Variants in ZFHX2 observed in about 807,000 individuals in gnomAD.
ZFHX2 encodes the protein zinc finger homeobox protein 2.
A neutral mutation model predicts 164.8 loss-of-function variants in ZFHX2; 75 were observed. The observed-to-expected ratio is 0.46, with a 90% CI of 0.38 to 0.55. The LOEUF (loss-of-function observed/expected upper bound fraction) is 0.55. Among genes scored for constraint, ZFHX2 ranks in the 20% least tolerant of loss-of-function variants. ZFHX2 has a pLI of 0.00. For synonymous variants in ZFHX2, 1,217 were observed against 1,351.4 expected (o/e 0.90, Z 2.18); for missense variants, 2,933 against 3,308.0 (o/e 0.89, Z 2.78).
chr14:23,527,481 C>A lies in ZFHX2; in HGVS notation c.3135+123G>T, dbSNP rs1257522801. On this transcript the variant is annotated intron_variant, in intron 7 of 9. Coordinates refer to ENST00000419474, the MANE Select transcript of ZFHX2 (RefSeq NM_033400.3). ...ACCGTCCTCACCCAGCCAACACACG[C>A]ACTTGCCTGAATGCCCCCTGCCCCC... is the stretch of plus-strand genomic sequence containing the variant. The A allele has an allele frequency of 1.6e-5, 20 of 1,274,708 alleles. No individual in the cohort carries two copies. In the Middle Eastern group the frequency reaches 1.3e-3, roughly 82 times the overall value. 79.0% of individuals were successfully genotyped at this position (1,274,708 alleles called of 1,614,324 possible). A position where few individuals can be genotyped will look rare whatever the true frequency, so the allele number is the denominator to read the frequency against.
intron 1 of ZFHX2, among the ~76,000 whole-genome samples, chr14:23,550,567 A>G (rs1209370373): frequency 3.3e-5 from 5 of 152,186 alleles, no homozygotes; most frequent in African/African-American, 1.2e-4. Flanking sequence ...AGCAAAACCA[A>G]AAGTCAGGGA....
At position 23,523,973 on chromosome 14, in the gene ZFHX2, G is replaced by A; in HGVS notation, c.5969C>T (p.Pro1990Leu). The A allele has an allele frequency of 6.5e-7, 1 of 1,531,412 alleles. No homozygotes were observed. Among genetic ancestry groups the A allele is most frequent in the East Asian group, 2.4e-5 (1 of 40,830 alleles). The allele number at this position is 1,531,412 out of a possible 1,614,324, so 94.9% of individuals were successfully genotyped here. A position where few individuals can be genotyped will look rare whatever the true frequency, so the allele number is the denominator to read the frequency against. Reference protein sequence around the residue: ...FLPPGKEATTPTPEPPLPLLP... With the variant: ...FLPPGKEATTLTPEPPLPLLP... ...GAGAGGTAGAGGTGGCTCTGGTGTT[G>A]GGGTGGTGGCCTCTTTCCCAGGTGG... The change falls in exon 9 of 10, where the codon CCA (proline) becomes CTA (leucine). Residue 1990 changes from proline to leucine, a missense_variant. By Grantham distance (98) the Pro-to-Leu change is moderately conservative. Transcript: ENST00000419474. This position sits in a 1 kb window ranked among gnomAD's most constrained non-coding sequence, Gnocchi z 4.1.
rs758377321 is a variant in ZFHX2, at chr14:23,532,850, C to T, written c.2276G>A (p.Arg759His). ...EWKEVAGDTH[R>H]CKLCCYGTQL... is the part of the protein sequence containing the mutation. ...GGTGCCATAGCAGCAAAGCTTGCAG[C>T]GGTGGGTGTCACCAGCCACCTCCTT... The change falls in exon 3 of 10, where the codon CGC becomes CAC. Residue 759 changes from arginine to histidine, a missense_variant. By Grantham distance (29) the Arg-to-His change is conservative. Coordinates refer to ENST00000419474, the MANE Select transcript of ZFHX2 (RefSeq NM_033400.3). 21 of 1,536,294 alleles carry T rather than the reference C, an allele frequency of 1.4e-5. No individual in the cohort carries two copies. In the South Asian group the frequency reaches 1.7e-4, roughly 12 times the overall value.
chr14:23,541,163 C>T (rs1254829384), intron 1 of ZFHX2, among the ~76,000 whole-genome samples: 2 of 152,082 alleles, frequency 1.3e-5, no homozygotes, highest in East Asian at 1.9e-4. Context: ...GCCTTGGCCT[C>T]CCCAAGTGCT....
At position 23,522,238 on chromosome 14, in the gene ZFHX2, C is replaced by T. The variant is rs1878091372; in HGVS notation, c.7443G>A (p.Gly2481=). 1 of 1,479,444 alleles carries T rather than the reference C, an allele frequency of 6.8e-7. No individual in the cohort carries two copies. Among genetic ancestry groups the T allele is most frequent in the East Asian group, 2.5e-5 (1 of 40,448 alleles). 91.6% of individuals were successfully genotyped at this position (1,479,444 alleles called of 1,614,324 possible). A position where few individuals can be genotyped will look rare whatever the true frequency, so the allele number is the denominator to read the frequency against. Residue 2481 remains glycine (G), a synonymous_variant, in exon 10 of 10, where the codon GGG becomes GGA. Coordinates refer to ENST00000419474, the MANE Select transcript of ZFHX2 (RefSeq NM_033400.3). The stretch of plus-strand genomic sequence containing the variant: ...CCCGCAATGGGGGTGGCATGGAGCC[C>T]CCAGAGCCCCGCCCAAAGAAGCAGA... ...RSFCFFGRGS[G]GSMPPPLRVP... is the part of the protein sequence containing the mutation.
rs223124 is a variant in ZFHX2 at position 23,523,533 on chromosome 14, T to C, written c.6409A>G (p.Ser2137Gly). ...CGCTGGGCTGCTAAGAGGCCCTCAC[T>C]GCTGCCCCCAGTGCTCCCAGCGGCT... ...GTAAGSTGGS[S>G]EGLLAAQRTD... The change falls in exon 9 of 10, where the codon AGT (serine) becomes GGT (glycine). Residue 2137 changes from serine (S) to glycine (G), a missense_variant. Physicochemically the swap from Ser to Gly is moderately conservative, Grantham distance 56. Coordinates refer to ENST00000419474, the MANE Select transcript of ZFHX2 (RefSeq NM_033400.3). The surrounding 1 kb of genome is among the most constrained non-coding windows in gnomAD (Gnocchi z 4.1). 6.5e-7 allele frequency: 1 copy of C among 1,536,488 alleles called. No individual in the cohort carries two copies. The highest frequency in any genetic ancestry group is 8.7e-7 in the Non-Finnish European group (1 of 1,146,848).
chr14:23,523,773 T>C lies in ZFHX2; in HGVS notation c.6169A>G (p.Thr2057Ala). The C allele has an allele frequency of 6.5e-7, 1 of 1,536,110 alleles. No homozygotes were observed. Among genetic ancestry groups the C allele is most frequent in the Admixed American group, 2.0e-5 (1 of 50,998 alleles). The change falls in exon 9 of 10, where the codon ACT becomes GCT. Residue 2057 changes from threonine to alanine, a missense_variant. Transcript: ENST00000419474. This position sits in a 1 kb window ranked among gnomAD's most constrained non-coding sequence, Gnocchi z 4.1. ...TGCCCCATTCCATCTGGAACCCCAGTCCCACCTCCAGGTCCCCCACTGGTC... is the reference window on the plus strand; with the variant it reads ...TGCCCCATTCCATCTGGAACCCCAGCCCCACCTCCAGGTCCCCCACTGGTC... ...GGTSGGPGGG[T>A]GVPDGMGQRR...
Position 23,523,867 on chromosome 14 carries a change from G to T in ZFHX2, c.6075C>A (p.Leu2025=). 1 of 1,536,188 alleles carries T rather than the reference G, an allele frequency of 6.5e-7. No individual in the cohort carries two copies. The highest frequency in any genetic ancestry group is 8.7e-7 in the Non-Finnish European group (1 of 1,146,922). Residue 2025 remains leucine (L), a synonymous_variant, in exon 9 of 10, where the codon CTC becomes CTA. Transcript: ENST00000419474. This position sits in a 1 kb window ranked among gnomAD's most constrained non-coding sequence, Gnocchi z 4.1. The stretch of plus-strand genomic sequence containing the variant: ...ATGAATCACTCAGATCTCCTGCAGA[G>T]AGACTGCAAGCCTCACTCTCTGGAG... ...KASPESEACS[L]SAGDLSDSSA...
rs772498385 is a variant in ZFHX2, at chr14:23,533,036, A to G, written c.2090T>C (p.Leu697Pro). 2.6e-6 allele frequency: 4 copies of G among 1,535,614 alleles called. No individual in the cohort carries two copies. The South Asian group carries it at 4.8e-5, about 18-fold the overall frequency. Reference protein sequence around the residue: ...PDAHLPPSQLLGSSSDSLPTS... With the variant: ...PDAHLPPSQLPGSSSDSLPTS... ...GGGCAGGCTGTCAGATGAGGAACCC[A>G]GGAGCTGACTTGGAGGCAGGTGGGC... Residue 697 changes from leucine (L) to proline (P), a missense_variant, in exon 3 of 10, where the codon CTG (leucine) becomes CCG (proline). Leu to Pro is a moderately conservative substitution (Grantham distance 98). Transcript: ENST00000419474. This position sits in a 1 kb window ranked among gnomAD's most constrained non-coding sequence, Gnocchi z 4.8.
intron 1 of ZFHX2, among the ~76,000 whole-genome samples, chr14:23,540,268 G>A (rs183526300): frequency 5.5e-4 from 84 of 152,368 alleles, no homozygotes; most frequent in African/African-American, 1.9e-3. Context: ...TGGGATTACA[G>A]GCATGAGCCA....
Position 23,546,504 on chromosome 14 carries a change from G to A in ZFHX2, c.-50+4839C>T, listed in dbSNP as rs1340965541. 6.6e-6 allele frequency among the ~76,000 whole-genome samples: 1 copy of A among 152,168 alleles called. No individual in the cohort carries two copies. Among genetic ancestry groups the A allele is most frequent in the African/African-American group, 2.4e-5 (1 of 41,434 alleles). ...TCACCCCTTAACAACTGCACATGAG[G>A]ACCCTGGTCTCTGGACTAGTTCCTA... On this transcript the variant is annotated intron_variant, in intron 1 of 9. Coordinates refer to ENST00000419474, the MANE Select transcript of ZFHX2 (RefSeq NM_033400.3). The surrounding 1 kb of genome is among the most constrained non-coding windows in gnomAD (Gnocchi z 4.7).
chr14:23,529,703 T>C lies in ZFHX2; in HGVS notation c.2934+7A>G, dbSNP rs1879281693. 2 of 1,535,982 alleles carry C rather than the reference T, an allele frequency of 1.3e-6. No homozygotes were observed. The highest frequency in any genetic ancestry group is 2.7e-5 in the African/African-American group (2 of 73,046). On this transcript the variant is annotated splice_region_variant and intron_variant, in intron 6 of 9. Coordinates refer to ENST00000419474, the MANE Select transcript of ZFHX2 (RefSeq NM_033400.3). ...CTTCAGCTCTTCCCAGTTACCCCAATTCTGACCGTGGTCTGGTTGGCACTG... is the reference window on the plus strand; with the variant it reads ...CTTCAGCTCTTCCCAGTTACCCCAACTCTGACCGTGGTCTGGTTGGCACTG...
At position 23,551,159 on chromosome 14, in the gene ZFHX2, C is replaced by G. The variant is rs117137240; in HGVS notation, c.-50+184G>C. On this transcript the variant is annotated intron_variant, in intron 1 of 9. Coordinates refer to ENST00000419474, the MANE Select transcript of ZFHX2 (RefSeq NM_033400.3). This position sits in a 1 kb window ranked among gnomAD's most constrained non-coding sequence, Gnocchi z 5.3. ...TCTGCTATCTCCCAGGGCTCTCGGT[C>G]TGTCTGTCCGTCCGTCCTTGTCCCC... Among the ~76,000 whole-genome samples the G allele has an allele frequency of 4.3e-4, 65 of 152,050 alleles. No individual in the cohort carries two copies. The East Asian group carries it at 0.013, about 29-fold the overall frequency.
At chr14:23,527,899 T>G (rs1435855929) in intron 6 of ZFHX2, 95 bp from the exon 7 acceptor site, 69 of 550,754 alleles carry the variant, frequency 1.3e-4, no homozygotes, top group Non-Finnish European at 1.9e-4. Context: ...CCGCCCCCAC[T>G]CCTTTTTTTT....
rs770316075 is a variant in ZFHX2, at chr14:23,525,863, T to A, written c.4079A>T (p.Gln1360Leu). ...GTAGAAGGGCAGGAGCAGCTGCTGC[T>A]GCTGGAGCTTAAGCAGTGATTCGGG... ...LVPESLLKLQ[Q>L]QQLLLPFYLH... The change falls in exon 9 of 10, where the codon CAG becomes CTG. Residue 1360 changes from glutamine to leucine, a missense_variant. Gln to Leu is a moderately radical substitution (Grantham distance 113). Transcript: ENST00000419474. This position sits in a 1 kb window ranked among gnomAD's most constrained non-coding sequence, Gnocchi z 5.9. The A allele has an allele frequency of 3.5e-5, 51 of 1,451,900 alleles. No homozygotes were observed. Among genetic ancestry groups the A allele is most frequent in the Non-Finnish European group, 4.4e-5 (49 of 1,109,436 alleles). 89.9% of individuals were successfully genotyped at this position (1,451,900 alleles called of 1,614,324 possible).
At chr14:23,527,904 T>A in intron 6 of ZFHX2, 100 bp from the exon 7 acceptor site, 6 of 434,852 alleles carry the variant, frequency 1.4e-5, no homozygotes, top group East Asian at 7.5e-5. Flanking sequence ...CCCACTCCTT[T>A]TTTTTTTTTT....
At chr14:23,542,163 C>T (rs1880893547) in intron 1 of ZFHX2, 1 of 152,324 alleles carries the variant, frequency 6.6e-6, no homozygotes, top group Non-Finnish European at 1.5e-5. Context: ...TTCCAGGCCT[C>T]CCAGCTCTGG....
Position 23,535,327 on chromosome 14 carries a change from G to A in ZFHX2, c.-2C>T, listed in dbSNP as rs1186392969. On this transcript the variant is annotated 5_prime_UTR_variant, in exon 2 of 10. Transcript: ENST00000419474. This position sits in a 1 kb window ranked among gnomAD's most constrained non-coding sequence, Gnocchi z 4.5. ...AGAGGCTGAGTTAAGGGTGGCCATG[G>A]TAGACGGAGGAGTGCTGGGGGCTCA... 6.9e-7 allele frequency: 1 copy of A among 1,452,192 alleles called. No homozygotes were observed. Among genetic ancestry groups the A allele is most frequent in the Non-Finnish European group, 9.1e-7 (1 of 1,103,778 alleles). The allele number at this position is 1,452,192 out of a possible 1,614,324, so 90.0% of individuals were successfully genotyped here.
At chr14:23,522,983 G>A in intron 9 of ZFHX2, 42 bp from the exon 10 acceptor site, 1 of 1,426,158 alleles carries the variant, frequency 7.0e-7, no homozygotes, top group Non-Finnish European at 9.1e-7. Flanking sequence ...GCCATCTCCT[G>A]TCCCATCATT....
Sources: allele counts gnomAD v4.1 joint callset (sites outside exome capture counted in the v4.1 genomes callset), GRCh38; gene constraint gnomAD v4.1.1; non-coding constraint Gnocchi (gnomAD v3.1); transcripts MANE v1.5; gene names NCBI Gene and HGNC (gene_info 2026-07-23, HGNC 2026-07-21).